Variants in SPAM1 observed in about 807,000 individuals in gnomAD.
SPAM1 encodes hyaluronidase PH-20.
Under a neutral mutation model 29.6 loss-of-function variants are expected in SPAM1, and 22 were observed. The ratio of observed to expected loss-of-function variants is 0.74; its 90% CI spans 0.53 to 1.06. The LOEUF (loss-of-function observed/expected upper bound fraction) is 1.06. SPAM1 is among the 50% of genes least tolerant of loss of function. The probability of loss-of-function intolerance (pLI) is 0.00; values close to 1 mark genes in which losing one functional copy is unlikely to be tolerated. For synonymous variants in SPAM1, 194 were observed against 204.6 expected (o/e 0.95, Z 0.44); for missense variants, 534 against 604.0 (o/e 0.88, Z 1.21).
chr7:123,963,827 G>A (rs949485647), downstream of SPAM1, among the ~76,000 whole-genome samples: 2 of 151,878 alleles, frequency 1.3e-5, no homozygotes, highest in Non-Finnish European at 2.9e-5. Flanking sequence ...TAACCTCTCT[G>A]AGTTTATTTC....
At position 123,954,400 on chromosome 7, in the gene SPAM1, A is replaced by G. The variant is rs969456380; in HGVS notation, c.830A>G (p.Tyr277Cys). 3 of 1,613,408 alleles carry G rather than the reference A, an allele frequency of 1.9e-6. No homozygotes were observed. The highest frequency in any genetic ancestry group is 2.5e-6 in the Non-Finnish European group (3 of 1,179,624). The change falls in exon 3 of 5, where the codon TAT becomes TGT. Residue 277 changes from tyrosine to cysteine, a missense_variant. Tyr to Cys is a radical substitution (Grantham distance 194). Transcript: ENST00000682466. Reference sequence around the variant, plus strand: ...CAGTCTCCTGTAGCTGCTACACTCTATGTGCGCAATCGAGTTCGGGAAGCC... The same window carrying G: ...CAGTCTCCTGTAGCTGCTACACTCTGTGTGCGCAATCGAGTTCGGGAAGCC... ...TQQSPVAATL[Y>C]VRNRVREAIR...
At chr7:123,938,475 G>A (rs1191312245) in intron 1 of SPAM1, among the ~76,000 whole-genome samples, 2 of 152,154 alleles carry the variant, frequency 1.3e-5, no homozygotes, top group Admixed American at 1.3e-4. Flanking sequence ...CATACTTGTT[G>A]CATTATCTTT....
intron 1 of SPAM1, among the ~76,000 whole-genome samples, chr7:123,937,496 GA>G (rs1808289335): frequency 6.6e-6 from 1 of 151,234 alleles, no homozygotes; most frequent in Non-Finnish European, 1.5e-5. Flanking sequence ...AGCTACTCGG[GA>G]GGCTGAGGCA....
In SPAM1 at chr7:123,954,221, T is replaced by C. The variant is rs781010587; in HGVS notation, c.651T>C (p.Gly217=). 2 of 1,613,510 alleles carry C rather than the reference T, an allele frequency of 1.2e-6. No individual in the cohort carries two copies. Among genetic ancestry groups the C allele is most frequent in the South Asian group, 2.2e-5 (2 of 91,054 alleles). ...TACTTCGGCCAAATCACTTGTGGGG[T>C]TATTATCTTTTTCCGGATTGTTACA... ...GKLLRPNHLW[G]YYLFPDCYNH... The change falls in exon 3 of 5, where the codon GGT becomes GGC. Residue 217 remains glycine, a synonymous_variant. Transcript: ENST00000682466.
chr7:123,967,791 G>C, intron 5 of SPAM1, among the ~76,000 whole-genome samples: 1 of 152,028 alleles, frequency 6.6e-6, no homozygotes. Flanking sequence ...TAATCCTTTA[G>C]CCTGGATTGA....
rs1257712429 is a variant in SPAM1 at position 123,959,664 on chromosome 7, C to G, written c.1225C>G (p.Leu409Val). Residue 409 changes from leucine to valine, a missense_variant, in exon 5 of 5, where the codon CTT (leucine) becomes GTT (valine). Leu to Val is a conservative substitution (Grantham distance 32). Coordinates refer to ENST00000682466, the MANE Select transcript of SPAM1 (RefSeq NM_153189.3). Reference sequence around the variant, plus strand: ...CAACCCAGATAATTTTGCTATTCAACTTGAGAAAGGTGGAAAGTTCACAGT... The same window carrying G: ...CAACCCAGATAATTTTGCTATTCAAGTTGAGAAAGGTGGAAAGTTCACAGT... ...HLNPDNFAIQ[L>V]EKGGKFTVRG... 1.2e-6 allele frequency: 2 copies of G among 1,613,302 alleles called. No individual in the cohort carries two copies. The highest frequency in any genetic ancestry group is 1.7e-6 in the Non-Finnish European group (2 of 1,179,574).
At chr7:123,938,560 A>G (rs975160886) in intron 1 of SPAM1, among the ~76,000 whole-genome samples, 1 of 152,174 alleles carries the variant, frequency 6.6e-6, no homozygotes, top group Non-Finnish European at 1.5e-5. Context: ...AATTGATGTG[A>G]TTGGGTCCCT....
intron 4 of SPAM1, among the ~76,000 whole-genome samples, chr7:123,956,487 G>A (rs1237662373): frequency 1.3e-5 from 2 of 151,928 alleles, no homozygotes; most frequent in Admixed American, 1.3e-4. Context: ...AAATGCAAAT[G>A]AGCCATTTCT....
At chr7:123,933,426 C>T (rs77068390) in intron 1 of SPAM1, among the ~76,000 whole-genome samples, 6,387 of 152,170 alleles carry the variant, frequency 0.042, 199 homozygotes, top group Non-Finnish European at 0.066. Context: ...CCCAAAGAAA[C>T]AATTAGGATA....
chr7:123,930,093 C>T (rs578109042), intron 1 of SPAM1, among the ~76,000 whole-genome samples: 30 of 152,054 alleles, frequency 2.0e-4, no homozygotes, highest in African/African-American at 7.2e-4. Flanking sequence ...GGATTTTTAA[C>T]TTTTGTTATA....
At chr7:123,968,297 C>T (rs561381629) in intron 5 of SPAM1, among the ~76,000 whole-genome samples, 30 of 152,132 alleles carry the variant, frequency 2.0e-4, no homozygotes, top group African/African-American at 6.5e-4. Context: ...GGGGTGGTAA[C>T]GTCTGAGCTA....
At chr7:123,959,087 G>A (rs1792307216) in intron 4 of SPAM1, among the ~76,000 whole-genome samples, 1 of 151,996 alleles carries the variant, frequency 6.6e-6, no homozygotes, top group Non-Finnish European at 1.5e-5. Flanking sequence ...GACTTAGAAA[G>A]CTTAAGAAAT....
At chr7:123,937,504 G>C (rs539068402) in intron 1 of SPAM1, among the ~76,000 whole-genome samples, 1 of 151,230 alleles carries the variant, frequency 6.6e-6, no homozygotes, top group South Asian at 2.1e-4. Context: ...GGGAGGCTGA[G>C]GCAGGAGAAT....
At chr7:123,939,373 A>G (rs757128795) in intron 1 of SPAM1, among the ~76,000 whole-genome samples, 7 of 152,162 alleles carry the variant, frequency 4.6e-5, no homozygotes, top group Non-Finnish European at 8.8e-5. Context: ...GGCGTGAGCC[A>G]CTGTGTCCGG....
chr7:123,959,800 C>T lies in SPAM1; in HGVS notation c.1361C>T (p.Ala454Val), dbSNP rs1792329719. The change falls in exon 5 of 5, where the codon GCT becomes GTT. Residue 454 changes from alanine to valine, a missense_variant. Coordinates refer to ENST00000682466, the MANE Select transcript of SPAM1 (RefSeq NM_153189.3). Reference sequence around the variant, plus strand: ...AAAGCTGATGTAAAAGACACTGATGCTGTTGATGTGTGTATTGCTGATGGT... The same window carrying T: ...AAAGCTGATGTAAAAGACACTGATGTTGTTGATGTGTGTATTGCTGATGGT... ...KEKADVKDTD[A>V]VDVCIADGVC... 2 of 1,613,034 alleles carry T rather than the reference C, an allele frequency of 1.2e-6. No homozygotes were observed. Among genetic ancestry groups the T allele is most frequent in the African/African-American group, 1.3e-5 (1 of 74,830 alleles).
At chr7:123,936,491 A>G (rs1484937196) in intron 1 of SPAM1, among the ~76,000 whole-genome samples, 1 of 152,192 alleles carries the variant, frequency 6.6e-6, no homozygotes, top group Non-Finnish European at 1.5e-5. Context: ...TACATTTAGT[A>G]ATGTTCAAGT....
At chr7:123,968,617 T>G (rs1792459889) in intron 5 of SPAM1, among the ~76,000 whole-genome samples, 1 of 151,946 alleles carries the variant, frequency 6.6e-6, no homozygotes, top group Non-Finnish European at 1.5e-5. Flanking sequence ...TTCAAAGCCA[T>G]GTTATTTCAA....
At chr7:123,959,238 G>T (rs1444795453) in intron 4 of SPAM1, among the ~76,000 whole-genome samples, 1 of 151,934 alleles carries the variant, frequency 6.6e-6, no homozygotes, top group African/African-American at 2.4e-5. Context: ...GACGAGCAAG[G>T]GTAAGGAATA....
At chr7:123,927,911 A>T (rs1409060520) in intron 1 of SPAM1, among the ~76,000 whole-genome samples, 2 of 152,158 alleles carry the variant, frequency 1.3e-5, no homozygotes, top group African/African-American at 4.8e-5. Flanking sequence ...AATTAAAAAG[A>T]AAGCTGACCA....
Sources: gnomAD v4.1 joint callset for allele counts (sites outside exome capture counted in the v4.1 genomes callset) on GRCh38, gnomAD v4.1.1 for gene constraint, MANE v1.5 for transcripts, NCBI Gene and HGNC (gene_info 2026-07-23, HGNC 2026-07-21) for gene names.